HSD17B2: variants seen among roughly 807,000 people sequenced by gnomAD.
The protein encoded by HSD17B2 is 17-beta-hydroxysteroid dehydrogenase type 2.
Under a neutral mutation model 26.9 loss-of-function variants are expected in HSD17B2, and 32 were observed. The observed-to-expected ratio is 1.19, with a 90% confidence interval of 0.90 to 1.60. The LOEUF (loss-of-function observed/expected upper bound fraction) is 1.60, where lower values mean the gene tolerates loss of function less well. Ranked by LOEUF, HSD17B2 falls within the 40% of genes most tolerant of loss-of-function variation. The pLI is 0.00. For missense variants in HSD17B2, 613 were observed against 468.6 expected (o/e 1.31, Z -2.85); for synonymous variants, 246 against 186.7 (o/e 1.32, Z -2.59).
chr16:82,044,308 G>A (rs1009097472), intron 1 of HSD17B2: 14 of 152,316 alleles, frequency 9.2e-5, no homozygotes, highest in African/African-American at 2.9e-4. Flanking sequence ...CCTGAATTCT[G>A]AACCAATGGA....
At chr16:82,074,380 T>G (rs1032743434) in intron 3 of HSD17B2, among the ~76,000 whole-genome samples, 1 of 152,204 alleles carries the variant, frequency 6.6e-6, no homozygotes, top group African/African-American at 2.4e-5. Flanking sequence ...CAAGGTACTT[T>G]ATAAAGCTAC....
intron 1 of HSD17B2, among the ~76,000 whole-genome samples, chr16:82,054,305 C>T (rs1401787354): frequency 2.0e-5 from 3 of 151,836 alleles, no homozygotes; most frequent in African/African-American, 7.3e-5. Flanking sequence ...CCTCTGTCAT[C>T]ACAGACATTG....
At chr16:82,037,138 A>C (rs1913645726) in intron 1 of HSD17B2, among the ~76,000 whole-genome samples, 1 of 152,228 alleles carries the variant, frequency 6.6e-6, no homozygotes, top group Non-Finnish European at 1.5e-5. Flanking sequence ...TGATTGAATC[A>C]ATTAGGCAAC....
At position 82,035,369 on chromosome 16, in the gene HSD17B2, T is replaced by C; in HGVS notation, c.-56T>C. 1 of 1,557,164 alleles carries C rather than the reference T, an allele frequency of 6.4e-7. No individual in the cohort carries two copies. Among genetic ancestry groups the C allele is most frequent in the Non-Finnish European group, 8.7e-7 (1 of 1,147,968 alleles). ...GAACTCAGGCTGCCTCCAGCCAGCC[T>C]TTGCCCGCTAGACTCACTGGCCCTG... is the stretch of plus-strand genomic sequence containing the variant. On this transcript the variant is annotated 5_prime_UTR_variant, in exon 1 of 5. Coordinates refer to ENST00000199936, the MANE Select transcript of HSD17B2 (RefSeq NM_002153.3).
chr16:82,083,635 C>G (rs1295796912), intron 3 of HSD17B2, among the ~76,000 whole-genome samples: 1 of 152,172 alleles, frequency 6.6e-6, no homozygotes, highest in Admixed American at 6.5e-5. Context: ...TCTGGGGCAG[C>G]AGCTGACAGT....
intron 1 of HSD17B2, among the ~76,000 whole-genome samples, chr16:82,039,977 A>G (rs564988483): frequency 5.1e-4 from 77 of 152,322 alleles, no homozygotes; most frequent in African/African-American, 1.5e-3. Context: ...CCTCGTTAAG[A>G]ATCTAAAATT....
At chr16:82,051,288 G>A (rs1039722003) in intron 1 of HSD17B2, among the ~76,000 whole-genome samples, 3 of 152,206 alleles carry the variant, frequency 2.0e-5, no homozygotes, top group African/African-American at 2.4e-5. Context: ...ATGCATGCAC[G>A]CATGAATGAA....
intron 3 of HSD17B2, among the ~76,000 whole-genome samples, chr16:82,079,138 A>C (rs1051132090): frequency 6.6e-6 from 1 of 152,206 alleles, no homozygotes; most frequent in Admixed American, 6.5e-5. Context: ...CTCATGTAGC[A>C]CATAAATATA....
At chr16:82,063,944 G>A (rs547586135) in intron 1 of HSD17B2, among the ~76,000 whole-genome samples, 1 of 152,302 alleles carries the variant, frequency 6.6e-6, no homozygotes, top group South Asian at 2.1e-4. Context: ...TCTGGGTCTG[G>A]CCTTGTCATA....
At chr16:82,097,123 G>C (rs570498846) in intron 4 of HSD17B2, 1 of 151,878 alleles carries the variant, frequency 6.6e-6, no homozygotes, top group East Asian at 1.9e-4. Context: ...CCAACTCGTG[G>C]GCTCGAGGGG....
intron 4 of HSD17B2, chr16:82,097,418 T>G (rs1472987527): frequency 1.3e-5 from 2 of 151,888 alleles, no homozygotes; most frequent in Non-Finnish European, 1.5e-5. Flanking sequence ...GATCTCGCTA[T>G]GTTGCCCAGG....
intron 1 of HSD17B2, among the ~76,000 whole-genome samples, chr16:82,041,052 C>T (rs1913752616): frequency 6.6e-6 from 1 of 152,018 alleles, no homozygotes; most frequent in African/African-American, 2.4e-5. Context: ...TTTGATAACC[C>T]GGGTAATTTT....
chr16:82,041,980 T>C (rs945302686), intron 1 of HSD17B2, among the ~76,000 whole-genome samples: 8 of 151,940 alleles, frequency 5.3e-5, no homozygotes, highest in Non-Finnish European at 1.2e-4. Flanking sequence ...GTGATCCTTT[T>C]CCCTTTCTTT....
At chr16:82,068,510 A>C in intron 2 of HSD17B2, 128 bp downstream of exon 2, 2 of 726,128 alleles carry the variant, frequency 2.8e-6, no homozygotes, top group Non-Finnish European at 4.5e-6. Context: ...ACCTGTGCTG[A>C]ACCCCTACCA....
intron 2 of HSD17B2, among the ~76,000 whole-genome samples, chr16:82,070,170 T>G (rs568482083): frequency 1.3e-5 from 2 of 152,230 alleles, no homozygotes; most frequent in South Asian, 2.1e-4. Flanking sequence ...TGCAAATCGG[T>G]TTGCTCTCCT....
chr16:82,063,761 C>G (rs1914506669), intron 1 of HSD17B2, among the ~76,000 whole-genome samples: 1 of 152,066 alleles, frequency 6.6e-6, no homozygotes, highest in Non-Finnish European at 1.5e-5. Flanking sequence ...GAGGGCTGAT[C>G]AGGAAGGTCT....
intron 3 of HSD17B2, among the ~76,000 whole-genome samples, chr16:82,077,012 T>A (rs773177543): frequency 1.2e-4 from 18 of 152,112 alleles, no homozygotes; most frequent in Non-Finnish European, 2.2e-4. Context: ...TGAAAGAAAT[T>A]GAAGAGGACA....
Position 82,065,145 on chromosome 16 carries a change from G to A in HSD17B2, c.266-3025G>A, listed in dbSNP as rs1597129631. Reference sequence around the variant, plus strand: ...CAGTGTTGAACACATCAAAGTGTTTGTGGGATGCAAGGCCAAAGGAAGGAT... The same window carrying A: ...CAGTGTTGAACACATCAAAGTGTTTATGGGATGCAAGGCCAAAGGAAGGAT... On this transcript the variant is annotated intron_variant, in intron 1 of 4. Coordinates refer to ENST00000199936, the MANE Select transcript of HSD17B2 (RefSeq NM_002153.3). Among the ~76,000 whole-genome samples the A allele has an allele frequency of 1.3e-5, 2 of 152,320 alleles. 1 individual carries two copies. Among genetic ancestry groups the A allele is most frequent in the Middle Eastern group, 6.8e-3 (2 of 294 alleles).
chr16:82,036,501 A>C (rs1333507975), intron 1 of HSD17B2, among the ~76,000 whole-genome samples: 1 of 148,334 alleles, frequency 6.7e-6, no homozygotes, highest in Non-Finnish European at 1.5e-5. Context: ...CTACCAAATA[A>C]AAAAAAAATC....
Sources: gnomAD v4.1 joint callset for allele counts (sites outside exome capture counted in the v4.1 genomes callset) on GRCh38, gnomAD v4.1.1 for gene constraint, MANE v1.5 for transcripts, NCBI Gene and HGNC (gene_info 2026-07-23, HGNC 2026-07-21) for gene names.